The following LRCH1 variants were observed in gnomAD, a reference collection of about 807,000 sequenced individuals.
The protein encoded by LRCH1 is leucine-rich repeat and calponin homology domain-containing protein 1.
A neutral mutation model predicts 94.9 loss-of-function variants in LRCH1; 23 were observed. The ratio of observed to expected loss-of-function variants is 0.24; its 90% CI spans 0.17 to 0.34. LRCH1 has a LOEUF of 0.34. Ranked by LOEUF, LRCH1 falls within the 10% of genes least tolerant of loss-of-function variation. The pLI, the probability that LRCH1 is intolerant of heterozygous loss-of-function variation, is 1.00. For missense variants in LRCH1, 790 were observed against 945.9 expected (o/e 0.84, Z 2.16); for synonymous variants, 364 against 354.9 (o/e 1.03, Z -0.29).
At chr13:46,668,822 T>A (rs979079148) in intron 2 of LRCH1, among the ~76,000 whole-genome samples, 6 of 93,128 alleles carry the variant, frequency 6.4e-5, no homozygotes, top group Admixed American at 1.3e-4. Context: ...TTTTTTATTT[T>A]TTATTTTTTT....
chr13:46,744,027 A>T lies in LRCH1; in HGVS notation c.*2179A>T. 1.0e-6 allele frequency: 1 copy of T among 985,430 alleles called. No homozygotes were observed. The highest frequency in any genetic ancestry group is 1.2e-6 in the Non-Finnish European group (1 of 829,930). The allele number at this position is 985,430 out of a possible 1,614,324, so 61.0% of individuals were successfully genotyped here. ...GTAGTATGGTAACTAGCAGAACACA[A>T]TTAATTTAGTCCTTTAGGCAAAAAT... On this transcript the variant is annotated 3_prime_UTR_variant, in exon 20 of 20. Coordinates refer to ENST00000389797, the MANE Select transcript of LRCH1 (RefSeq NM_001164211.2).
At chr13:46,559,505 A>G (rs1476235270) in intron 1 of LRCH1, among the ~76,000 whole-genome samples, 3 of 152,226 alleles carry the variant, frequency 2.0e-5, no homozygotes, top group South Asian at 4.1e-4. Flanking sequence ...CAATATCTGT[A>G]GTGGTTCTGA....
At chr13:46,610,645 C>T (rs866662499) in intron 1 of LRCH1, among the ~76,000 whole-genome samples, 8 of 151,988 alleles carry the variant, frequency 5.3e-5, no homozygotes, top group African/African-American at 1.9e-4. Context: ...GCTGTGAATG[C>T]CATTATTTCA....
chr13:46,633,022 T>C (rs566029753), intron 1 of LRCH1, among the ~76,000 whole-genome samples: 45 of 152,374 alleles, frequency 3.0e-4, no homozygotes, highest in African/African-American at 1.1e-3. Context: ...ATCCTCTGAA[T>C]TGAATAAACT....
intron 19 of LRCH1, among the ~76,000 whole-genome samples, chr13:46,735,243 T>G (rs1334524269): frequency 6.6e-6 from 1 of 152,242 alleles, no homozygotes; most frequent in Non-Finnish European, 1.5e-5. Flanking sequence ...ATTTTAATAT[T>G]GCATATACAT....
intron 1 of LRCH1, among the ~76,000 whole-genome samples, chr13:46,557,299 T>C (rs1280405625): frequency 3.3e-5 from 5 of 151,938 alleles, no homozygotes. Context: ...CAGGAGGTTC[T>C]AGAAAATAAA....
intron 10 of LRCH1, among the ~76,000 whole-genome samples, chr13:46,700,404 C>T (rs1388981294): frequency 1.3e-5 from 2 of 152,184 alleles, no homozygotes; most frequent in Non-Finnish European, 2.9e-5. Context: ...GTATTACCAG[C>T]TACTCACTGG....
intron 2 of LRCH1, among the ~76,000 whole-genome samples, chr13:46,654,174 C>T (rs2051341787): frequency 6.6e-6 from 1 of 152,302 alleles, no homozygotes; most frequent in East Asian, 1.9e-4. Context: ...GTATCATCCA[C>T]ATGATAGTGT....
intron 1 of LRCH1, among the ~76,000 whole-genome samples, chr13:46,642,729 A>G (rs191139733): frequency 2.9e-3 from 436 of 152,312 alleles, no homozygotes; most frequent in Non-Finnish European, 5.1e-3. Flanking sequence ...TCTGGGAACT[A>G]CCTCTGCTCT....
At chr13:46,719,134 A>C (rs1390830597) in intron 16 of LRCH1, among the ~76,000 whole-genome samples, 1 of 152,272 alleles carries the variant, frequency 6.6e-6, no homozygotes, top group Non-Finnish European at 1.5e-5. Context: ...CTTTGCTTTC[A>C]TATAACATTT....
intron 1 of LRCH1, among the ~76,000 whole-genome samples, chr13:46,579,487 C>T (rs1345951443): frequency 1.4e-5 from 2 of 147,096 alleles, no homozygotes; most frequent in Admixed American, 6.8e-5. Flanking sequence ...ACCATATATG[C>T]TAACTTTGTA....
chr13:46,596,870 C>T (rs1384550358), intron 1 of LRCH1, among the ~76,000 whole-genome samples: 5 of 152,096 alleles, frequency 3.3e-5, no homozygotes, highest in Non-Finnish European at 7.4e-5. Flanking sequence ...TTTTCACCAC[C>T]CCAGGAAGAT....
At position 46,636,709 on chromosome 13, in the gene LRCH1, C is replaced by T. The variant is rs117235337; in HGVS notation, c.308-13492C>T. Among the ~76,000 whole-genome samples the T allele has an allele frequency of 6.9e-3, 1,050 of 152,248 alleles. 5 individuals carry two copies. Among genetic ancestry groups the T allele is most frequent in the Non-Finnish European group, 0.011 (758 of 68,016 alleles). Reference sequence around the variant, plus strand: ...TTCTCAGTCTTTGGCTGATTTGGCCCGGCAGCAGCTATAGGAACAGTGGAG... The same window carrying T: ...TTCTCAGTCTTTGGCTGATTTGGCCTGGCAGCAGCTATAGGAACAGTGGAG... On this transcript the variant is annotated intron_variant, in intron 1 of 19. Coordinates refer to ENST00000389797, the MANE Select transcript of LRCH1 (RefSeq NM_001164211.2).
intron 16 of LRCH1, among the ~76,000 whole-genome samples, chr13:46,722,633 C>T (rs1395469560): frequency 1.3e-5 from 2 of 152,206 alleles, no homozygotes; most frequent in African/African-American, 4.8e-5. Context: ...TCTTGCCAGC[C>T]TTCCTAAAAG....
Position 46,553,242 on chromosome 13 carries a change from C to CCCAAAA in LRCH1, c.-155_-154insCCAAAA. The stretch of plus-strand genomic sequence containing the variant: ...CACGGCCGCCTCCCCGCCCGCCCCC[C>CCCAAAA]ATTCTACGCGCCTGCCCACACCCTC... On this transcript the variant is annotated 5_prime_UTR_variant, in exon 1 of 20. Coordinates refer to ENST00000389797, the MANE Select transcript of LRCH1 (RefSeq NM_001164211.2). 1.8e-6 allele frequency: 1 copy of CCCAAAA among 568,648 alleles called. No homozygotes were observed. The highest frequency in any genetic ancestry group is 3.1e-6 in the Non-Finnish European group (1 of 324,444). The allele number at this position is 568,648 out of a possible 1,614,324, so 35.2% of individuals were successfully genotyped here.
At chr13:46,637,408 TAC>T (rs2051104618) in intron 1 of LRCH1, among the ~76,000 whole-genome samples, 1 of 152,218 alleles carries the variant, frequency 6.6e-6, no homozygotes, top group African/African-American at 2.4e-5. Flanking sequence ...GGCAGACTTT[TAC>T]AGTGGCCGAA....
chr13:46,666,607 C>T (rs2051519618), intron 2 of LRCH1, among the ~76,000 whole-genome samples: 1 of 152,224 alleles, frequency 6.6e-6, no homozygotes, highest in South Asian at 2.1e-4. Flanking sequence ...CATTATCCCT[C>T]TTCAAAAGGA....
intron 1 of LRCH1, among the ~76,000 whole-genome samples, chr13:46,571,074 T>A (rs1054033694): frequency 6.6e-6 from 1 of 152,188 alleles, no homozygotes. Flanking sequence ...ACCCTAGAGT[T>A]TACCCTTCAA....
chr13:46,746,883 C>T (rs1359038483), downstream of LRCH1, among the ~76,000 whole-genome samples: 1 of 152,150 alleles, frequency 6.6e-6, no homozygotes, highest in Non-Finnish European at 1.5e-5. Flanking sequence ...TCTTGGGACG[C>T]CTCCTGGTTG....
Sources: allele counts gnomAD v4.1 joint callset (sites outside exome capture counted in the v4.1 genomes callset), GRCh38; gene constraint gnomAD v4.1.1; transcripts MANE v1.5; gene names NCBI Gene and HGNC (gene_info 2026-07-23, HGNC 2026-07-21).